Variants in C2orf66 observed in about 807,000 individuals in gnomAD.
C2orf66 encodes the protein chromosome 2 open reading frame 66, also known as uncharacterized protein C2orf66.
C2orf66 carries 6 observed loss-of-function variants against 7.0 expected under a neutral mutation model. The observed-to-expected ratio is 0.86, with a 90% CI of 0.47 to 1.69. C2orf66 has a LOEUF of 1.69. C2orf66 is among the 40% of genes most tolerant of loss of function. The pLI is 0.01. For missense variants in C2orf66, 107 were observed against 112.0 expected (o/e 0.96, Z 0.20); for synonymous variants, 38 against 43.8 (o/e 0.87, Z 0.52).
At chr2:196,820,043 G>A in the C2orf66 span, among the ~76,000 whole-genome samples, 3 of 152,174 alleles carry the variant, frequency 2.0e-5, no homozygotes, top group Admixed American at 6.5e-5. Flanking sequence ...ATTTGAGGGG[G>A]TGGGGCAGAG....
chr2:196,818,040 AC>A, the C2orf66 span, among the ~76,000 whole-genome samples: 2 of 152,232 alleles, frequency 1.3e-5, no homozygotes, highest in Non-Finnish European at 2.9e-5. Flanking sequence ...TCCTCAGCTT[AC>A]GAAGATAACA....
upstream of C2orf66, among the ~76,000 whole-genome samples, chr2:196,813,062 C>CAGAACTGG (rs1268182098): frequency 2.6e-5 from 4 of 152,098 alleles, no homozygotes; most frequent in Admixed American, 2.6e-4. Context: ...ACTTTCTTCA[C>CAGAACTGG]AGAACTGGAA....
At chr2:196,823,347 G>T in the C2orf66 span, among the ~76,000 whole-genome samples, 1 of 152,166 alleles carries the variant, frequency 6.6e-6, no homozygotes, top group African/African-American at 2.4e-5. Flanking sequence ...TAGGGGCTGG[G>T]CATAGTGGCT....
the C2orf66 span, among the ~76,000 whole-genome samples, chr2:196,818,123 T>A: frequency 1.3e-5 from 2 of 152,240 alleles, no homozygotes; most frequent in Non-Finnish European, 2.9e-5. Context: ...TAAATGTCCA[T>A]GAAATCTTCA....
the C2orf66 span, among the ~76,000 whole-genome samples, chr2:196,823,641 A>G: frequency 6.6e-6 from 1 of 152,074 alleles, no homozygotes; most frequent in Non-Finnish European, 1.5e-5. Flanking sequence ...AAAACAAAAC[A>G]AAACAAAACA....
chr2:196,820,375 A>G, the C2orf66 span, among the ~76,000 whole-genome samples: 1 of 152,222 alleles, frequency 6.6e-6, no homozygotes, highest in African/African-American at 2.4e-5. Flanking sequence ...TTAGTCATCC[A>G]TGAAGAGCAC....
intron 2 of C2orf66, among the ~76,000 whole-genome samples, chr2:196,805,707 A>G (rs562267433): frequency 9.2e-5 from 14 of 152,042 alleles, no homozygotes; most frequent in African/African-American, 3.4e-4. Flanking sequence ...TTTATTTGAT[A>G]TTTTCTATGA....
chr2:196,827,219 A>G, the C2orf66 span, among the ~76,000 whole-genome samples: 1 of 147,384 alleles, frequency 6.8e-6, no homozygotes, highest in African/African-American at 2.5e-5. Flanking sequence ...AGCCTGGGTG[A>G]CAGAGGGAGA....
At chr2:196,817,970 G>A in the C2orf66 span, among the ~76,000 whole-genome samples, 1 of 152,162 alleles carries the variant, frequency 6.6e-6, no homozygotes, top group African/African-American at 2.4e-5. Context: ...AAACACTCAT[G>A]TTTTACAGTC....
the C2orf66 span, among the ~76,000 whole-genome samples, chr2:196,829,496 G>A: frequency 2.6e-5 from 4 of 151,904 alleles, no homozygotes; most frequent in Non-Finnish European, 4.4e-5. Flanking sequence ...GGCTGAGGCA[G>A]GAGAATCACT....
At chr2:196,829,604 C>A in the C2orf66 span, among the ~76,000 whole-genome samples, 1 of 148,134 alleles carries the variant, frequency 6.8e-6, no homozygotes, top group Admixed American at 6.7e-5. Flanking sequence ...CAAAAAAAAA[C>A]AAAAAAACAG....
At chr2:196,823,193 G>A in the C2orf66 span, among the ~76,000 whole-genome samples, 1,257 of 152,300 alleles carry the variant, frequency 8.3e-3, 18 homozygotes, top group African/African-American at 0.028. Flanking sequence ...ACTCTTTAAG[G>A]CTTAACAACT....
the C2orf66 span, among the ~76,000 whole-genome samples, chr2:196,814,728 T>C: frequency 3.9e-5 from 6 of 152,274 alleles, no homozygotes; most frequent in East Asian, 9.6e-4. Flanking sequence ...CTGAATAAAT[T>C]ACAACAGATT....
At chr2:196,823,608 C>G in the C2orf66 span, among the ~76,000 whole-genome samples, 134 of 136,692 alleles carry the variant, frequency 9.8e-4, no homozygotes, top group South Asian at 5.3e-3. Context: ...GCCTGTATGA[C>G]AAAGTGAGAC....
At chr2:196,823,609 A>C in the C2orf66 span, among the ~76,000 whole-genome samples, 1 of 143,166 alleles carries the variant, frequency 7.0e-6, no homozygotes, top group African/African-American at 2.6e-5. Context: ...CCTGTATGAC[A>C]AAGTGAGACC....
At chr2:196,812,799 C>CAGAG (rs2125759653), upstream of C2orf66, among the ~76,000 whole-genome samples, 2 of 151,530 alleles carry the variant, frequency 1.3e-5, no homozygotes, top group African/African-American at 2.4e-5. Context: ...AACAGACAAA[C>CAGAG]AGCCAAATCA....
chr2:196,821,928 CTTTTTTTTTTTTTT>C, the C2orf66 span, among the ~76,000 whole-genome samples: 1 of 32,250 alleles, frequency 3.1e-5, no homozygotes, highest in Admixed American at 5.9e-4. Context: ...AACCAGTGAG[CTTTTTTTTTTTTTT>C]TTTTTTTTTT....
Position 196,809,228 on chromosome 2 carries a change from T to TG in C2orf66, c.108dup (p.Arg37GlnfsTer15), listed in dbSNP as rs755395212. 6.2e-7 allele frequency: 1 copy of TG among 1,614,008 alleles called. No homozygotes were observed. Among genetic ancestry groups the TG allele is most frequent in the Non-Finnish European group, 8.5e-7 (1 of 1,179,938 alleles). On this transcript the variant is annotated frameshift_variant, in exon 1 of 3. Transcript: ENST00000342506. LOFTEE classifies it high-confidence loss of function. ...TGTGTTCTTACCAGATCTCTGTTTC[T>TG]GGGGTTGTTGAGTGGCTTCCATTTG...
At chr2:196,807,353 A>G in intron 2 of C2orf66, 71 bp downstream of exon 2, 1 of 886,146 alleles carries the variant, frequency 1.1e-6, no homozygotes, top group South Asian at 1.7e-5. Context: ...TCAAATAAAT[A>G]CTTTCAAAAT....
Sources: allele counts gnomAD v4.1 joint callset (sites outside exome capture counted in the v4.1 genomes callset), GRCh38; gene constraint gnomAD v4.1.1; transcripts MANE v1.5; gene names NCBI Gene and HGNC (gene_info 2026-07-23, HGNC 2026-07-21).